SUPT3H: variants seen among roughly 807,000 people sequenced by gnomAD.
SUPT3H encodes transcription initiation protein SPT3 homolog.
A neutral mutation model predicts 44.3 loss-of-function variants in SUPT3H; 44 were observed. The observed-to-expected ratio is 0.99, with a 90% CI of 0.78 to 1.28. The LOEUF (loss-of-function observed/expected upper bound fraction) is 1.28, where lower values mean the gene tolerates loss of function less well. Ranked by LOEUF, SUPT3H falls within the 50% of genes most tolerant of loss-of-function variation. SUPT3H has a pLI of 0.00. For synonymous variants in SUPT3H, 124 were observed against 125.6 expected (o/e 0.99, Z 0.09); for missense variants, 380 against 387.1 (o/e 0.98, Z 0.15).
intron 3 of SUPT3H, among the ~76,000 whole-genome samples, chr6:45,082,494 T>TAC (rs1278417025): frequency 1.1e-4 from 1 of 8,928 alleles, no homozygotes; most frequent in Non-Finnish European, 1.6e-4. Context: ...TTGTTCAACA[T>TAC]ATATGTCAAT....
Position 45,072,056 on chromosome 6 carries a change from G to A in SUPT3H, c.186+33866C>T, listed in dbSNP as rs142882142. Among the ~76,000 whole-genome samples the A allele has an allele frequency of 5.8e-4, 89 of 152,216 alleles. No individual in the cohort carries two copies. The East Asian group carries it at 0.015, about 26-fold the overall frequency. On this transcript the variant is annotated intron_variant, in intron 3 of 10. Coordinates refer to ENST00000371459, the MANE Select transcript of SUPT3H (RefSeq NM_003599.4). ...ACATTCCTACTACGTCCAGTCAAGT[G>A]ATTTCCACAAATTTTCTTATTTAAT... is the stretch of plus-strand genomic sequence containing the variant.
At chr6:45,357,527 T>C (rs1793466309) in intron 2 of SUPT3H, among the ~76,000 whole-genome samples, 1 of 152,014 alleles carries the variant, frequency 6.6e-6, no homozygotes. Flanking sequence ...GTCTCAAGTA[T>C]GTTGCCCGGG....
chr6:44,931,353 T>C (rs1191971358), intron 10 of SUPT3H, among the ~76,000 whole-genome samples: 1 of 152,174 alleles, frequency 6.6e-6, no homozygotes, highest in African/African-American at 2.4e-5. Flanking sequence ...ATGGATTTGA[T>C]ATTTTTAATC....
chr6:45,225,278 TAAAA>T (rs11333549), intron 2 of SUPT3H, among the ~76,000 whole-genome samples: 5 of 132,160 alleles, frequency 3.8e-5, no homozygotes, highest in African/African-American at 5.6e-5. Context: ...AAACTCCATC[TAAAA>T]AAAAAAAAAA....
At chr6:45,167,094 A>C (rs1810013360) in intron 2 of SUPT3H, among the ~76,000 whole-genome samples, 1 of 152,230 alleles carries the variant, frequency 6.6e-6, no homozygotes, top group Non-Finnish European at 1.5e-5. Context: ...CCAGGAGCAC[A>C]TTAAGATCTC....
chr6:44,960,572 C>T (rs1184511759), intron 7 of SUPT3H, among the ~76,000 whole-genome samples: 1 of 151,906 alleles, frequency 6.6e-6, no homozygotes, highest in Admixed American at 6.6e-5. Context: ...TATGTCTGTT[C>T]CTTTAAGTGA....
intron 2 of SUPT3H, among the ~76,000 whole-genome samples, chr6:45,324,778 C>T (rs1172399144): frequency 6.6e-6 from 1 of 151,860 alleles, no homozygotes; most frequent in Admixed American, 6.6e-5. Flanking sequence ...TGGGTTTTTA[C>T]CTGATCTAAT....
intron 6 of SUPT3H, among the ~76,000 whole-genome samples, chr6:44,979,135 C>T (rs1215612124): frequency 1.3e-5 from 2 of 152,126 alleles, no homozygotes; most frequent in African/African-American, 4.8e-5. Flanking sequence ...ACTTTGCATA[C>T]CCTCCTTTGC....
intron 9 of SUPT3H, among the ~76,000 whole-genome samples, chr6:44,945,419 G>A (rs901683455): frequency 6.6e-6 from 1 of 152,184 alleles, no homozygotes; most frequent in Non-Finnish European, 1.5e-5. Context: ...AGCCAAGACA[G>A]GATGAAAGCT....
At chr6:44,823,297 T>TA (rs1400883203), downstream of SUPT3H, among the ~76,000 whole-genome samples, 1 of 151,986 alleles carries the variant, frequency 6.6e-6, no homozygotes, top group Non-Finnish European at 1.5e-5. Context: ...AACAAGGGCT[T>TA]AGAGTTCAGA....
intron 2 of SUPT3H, among the ~76,000 whole-genome samples, chr6:45,273,971 TTTG>T (rs1776621260): frequency 6.6e-6 from 1 of 152,190 alleles, no homozygotes; most frequent in Non-Finnish European, 1.5e-5. Flanking sequence ...CATCATCACA[TTTG>T]TTATCTTTTT....
At chr6:44,915,347 T>G (rs1238515665) in intron 10 of SUPT3H, among the ~76,000 whole-genome samples, 2 of 152,212 alleles carry the variant, frequency 1.3e-5, no homozygotes, top group Non-Finnish European at 2.9e-5. Context: ...TTCTGGAAAC[T>G]GTATACATTC....
chr6:45,163,863 ACT>A (rs980037533), intron 2 of SUPT3H, among the ~76,000 whole-genome samples: 1 of 152,072 alleles, frequency 6.6e-6, no homozygotes, highest in Non-Finnish European at 1.5e-5. Context: ...AACCAGAAGA[ACT>A]CTGTCACATA....
intron 2 of SUPT3H, among the ~76,000 whole-genome samples, chr6:45,209,504 T>A (rs1159129836): frequency 6.6e-6 from 1 of 152,198 alleles, no homozygotes; most frequent in Non-Finnish European, 1.5e-5. Flanking sequence ...TGGTAGAAAC[T>A]GTAAGAGAAT....
intron 1 of SUPT3H, among the ~76,000 whole-genome samples, chr6:45,376,580 A>C (rs1360061380): frequency 6.6e-6 from 1 of 152,254 alleles, no homozygotes; most frequent in Non-Finnish European, 1.5e-5. Context: ...CTGCTAGTGA[A>C]AAGTGCAGCC....
intron 2 of SUPT3H, among the ~76,000 whole-genome samples, chr6:45,148,277 T>G (rs1224757957): frequency 6.6e-6 from 1 of 152,082 alleles, no homozygotes; most frequent in Non-Finnish European, 1.5e-5. Context: ...CTCCTCAAAC[T>G]CCTATGAGGT....
intron 2 of SUPT3H, among the ~76,000 whole-genome samples, chr6:45,108,363 G>A (rs1399649887): frequency 6.6e-6 from 1 of 152,036 alleles, no homozygotes; most frequent in Non-Finnish European, 1.5e-5. Context: ...CTGTAGTCAA[G>A]GACTATAATT....
Position 44,829,778 on chromosome 6 carries a change from G to T in SUPT3H, c.*38C>A, listed in dbSNP as rs754165502. 5.6e-6 allele frequency: 9 copies of T among 1,605,544 alleles called. No individual in the cohort carries two copies. The African/African-American group carries it at 1.2e-4, about 22-fold the overall frequency. On this transcript the variant is annotated 3_prime_UTR_variant, in exon 11 of 11. Coordinates refer to ENST00000371459, the MANE Select transcript of SUPT3H (RefSeq NM_003599.4). ...CAAGAAATCACCTTAATATAACATT[G>T]CCTTTCCTGTTGTTGCAGGCACATC...
chr6:44,831,296 T>G (rs1768679773), intron 10 of SUPT3H, among the ~76,000 whole-genome samples: 1 of 152,150 alleles, frequency 6.6e-6, no homozygotes, highest in African/African-American at 2.4e-5. Context: ...GCTTGTTCTT[T>G]ACCATGGGGC....
Sources: allele counts gnomAD v4.1 joint callset (sites outside exome capture counted in the v4.1 genomes callset), GRCh38; gene constraint gnomAD v4.1.1; transcripts MANE v1.5; gene names NCBI Gene and HGNC (gene_info 2026-07-23, HGNC 2026-07-21).